Variants in PPP1R9A observed in about 807,000 individuals in gnomAD.
The protein encoded by PPP1R9A is neurabin-1.
In PPP1R9A, 59 loss-of-function variants were observed where a neutral mutation model predicts 141.9. The observed-to-expected ratio is 0.42, with a 90% CI of 0.34 to 0.52. PPP1R9A has a LOEUF of 0.52. Among genes scored for constraint, PPP1R9A ranks in the 20% least tolerant of loss-of-function variants. PPP1R9A has a pLI of 0.10. For synonymous variants in PPP1R9A, 500 were observed against 569.7 expected (o/e 0.88, Z 1.74); for missense variants, 1,444 against 1,611.9 (o/e 0.90, Z 1.78).
At chr7:95,259,086 A>T (rs1356254187) in intron 12 of PPP1R9A, among the ~76,000 whole-genome samples, 1 of 152,210 alleles carries the variant, frequency 6.6e-6, no homozygotes, top group African/African-American at 2.4e-5. Context: ...TAACTAAAAA[A>T]CAATTTGCAG....
intron 4 of PPP1R9A, among the ~76,000 whole-genome samples, chr7:95,130,601 T>A (rs1263708064): frequency 6.6e-6 from 1 of 152,036 alleles, no homozygotes; most frequent in East Asian, 1.9e-4. Context: ...CACTGACAGC[T>A]TGCACTCTAT....
intron 2 of PPP1R9A, among the ~76,000 whole-genome samples, chr7:94,952,126 C>T (rs1796545669): frequency 6.6e-6 from 1 of 152,034 alleles, no homozygotes; most frequent in African/African-American, 2.4e-5. Flanking sequence ...CCTCCAGGCC[C>T]CAGTGTGTGA....
chr7:95,289,334 C>G (rs1006056324), intron 19 of PPP1R9A, among the ~76,000 whole-genome samples: 1 of 152,224 alleles, frequency 6.6e-6, no homozygotes, highest in Non-Finnish European at 1.5e-5. Flanking sequence ...CCTCAGCCCC[C>G]TGCTGGGCTG....
intron 4 of PPP1R9A, among the ~76,000 whole-genome samples, chr7:95,152,059 C>A (rs533087884): frequency 7.1e-6 from 1 of 141,110 alleles, no homozygotes; most frequent in African/African-American, 2.6e-5. Flanking sequence ...TCAAGCAATT[C>A]TCCTGCCTCA....
At chr7:95,259,903 A>T (rs958564272) in intron 12 of PPP1R9A, among the ~76,000 whole-genome samples, 3 of 151,994 alleles carry the variant, frequency 2.0e-5, no homozygotes, top group Non-Finnish European at 4.4e-5. Context: ...CCTTTTTAAA[A>T]ATATATATAT....
chr7:95,226,913 T>C (rs1795217927), intron 8 of PPP1R9A, among the ~76,000 whole-genome samples: 1 of 152,190 alleles, frequency 6.6e-6, no homozygotes, highest in East Asian at 1.9e-4. Context: ...CAGTGATTAA[T>C]AGGTCCCAAA....
At chr7:95,051,875 TCTCA>T (rs1338968451) in intron 2 of PPP1R9A, among the ~76,000 whole-genome samples, 5 of 150,544 alleles carry the variant, frequency 3.3e-5, no homozygotes, top group African/African-American at 1.2e-4. Flanking sequence ...AGAGTCTCTC[TCTCA>T]CTCAGGCTGC....
At chr7:95,062,418 A>AT (rs576031319) in intron 2 of PPP1R9A, among the ~76,000 whole-genome samples, 9,353 of 138,596 alleles carry the variant, frequency 0.067, 374 homozygotes, top group African/African-American at 0.1. Context: ...AGATTAGGGA[A>AT]TTTTTTTTTT....
intron 2 of PPP1R9A, among the ~76,000 whole-genome samples, chr7:94,973,585 T>C (rs1011837060): frequency 2.6e-5 from 4 of 152,178 alleles, no homozygotes; most frequent in African/African-American, 9.6e-5. Flanking sequence ...AGATAATTCA[T>C]AGGGGACAAG....
intron 2 of PPP1R9A, among the ~76,000 whole-genome samples, chr7:95,060,604 A>C (rs1384898158): frequency 3.9e-5 from 6 of 152,114 alleles, no homozygotes; most frequent in Admixed American, 3.9e-4. Context: ...CACAGTTGAA[A>C]ATGTAAGGTC....
chr7:95,292,551 T>G lies in PPP1R9A; in HGVS notation c.*2248T>G, dbSNP rs905444768. ...ATTTATGATCTATTATATTGCATTT[T>G]CTTAAATATCTTAGAAGTATTTTTC... On this transcript the variant is annotated 3_prime_UTR_variant, in exon 20 of 20. Transcript: ENST00000433360. 6.6e-6 allele frequency: 1 copy of G among 152,498 alleles called. No individual in the cohort carries two copies. Among genetic ancestry groups the G allele is most frequent in the African/African-American group, 2.4e-5 (1 of 41,476 alleles). The allele number at this position is 152,498 out of a possible 1,614,324, so 9.4% of individuals were successfully genotyped here.
intron 2 of PPP1R9A, among the ~76,000 whole-genome samples, chr7:94,925,791 C>A (rs958658147): frequency 1.3e-5 from 2 of 151,956 alleles, no homozygotes; most frequent in African/African-American, 2.4e-5. Flanking sequence ...CCCCTCCCCC[C>A]ACCTGAAGGT....
chr7:95,187,091 A>G (rs968584600), intron 5 of PPP1R9A, among the ~76,000 whole-genome samples: 3 of 152,084 alleles, frequency 2.0e-5, no homozygotes, highest in African/African-American at 7.2e-5. Context: ...GTTGGTACCA[A>G]TTATTCTTTA....
chr7:95,124,834 C>G (rs770370651), intron 4 of PPP1R9A, among the ~76,000 whole-genome samples: 1 of 151,996 alleles, frequency 6.6e-6, no homozygotes, highest in Non-Finnish European at 1.5e-5. Flanking sequence ...TCCCCCTCCT[C>G]CCTCCTTCCT....
chr7:94,953,667 TC>T (rs1182099485), intron 2 of PPP1R9A, among the ~76,000 whole-genome samples: 1 of 152,174 alleles, frequency 6.6e-6, no homozygotes, highest in African/African-American at 2.4e-5. Flanking sequence ...CTTGAAAAGA[TC>T]CTTCACATTT....
chr7:95,226,758 G>A (rs1187370474), intron 8 of PPP1R9A, among the ~76,000 whole-genome samples: 1 of 151,928 alleles, frequency 6.6e-6, no homozygotes, highest in African/African-American at 2.4e-5. Flanking sequence ...AGGGAGTATG[G>A]TGATGCAGTC....
intron 2 of PPP1R9A, among the ~76,000 whole-genome samples, chr7:95,009,548 T>C (rs1804116707): frequency 6.6e-6 from 1 of 152,150 alleles, no homozygotes; most frequent in African/African-American, 2.4e-5. Flanking sequence ...TGTAATGAAA[T>C]GTAGAGGTCA....
At chr7:95,074,417 A>C (rs1026867171) in intron 2 of PPP1R9A, among the ~76,000 whole-genome samples, 6 of 150,964 alleles carry the variant, frequency 4.0e-5, no homozygotes, top group African/African-American at 1.5e-4. Context: ...TATAGGATGA[A>C]GTCCTAGAAG....
intron 2 of PPP1R9A, among the ~76,000 whole-genome samples, chr7:95,012,821 GA>G (rs1446497752): frequency 6.6e-6 from 1 of 152,192 alleles, no homozygotes; most frequent in Non-Finnish European, 1.5e-5. Context: ...GTAATGATGT[GA>G]AAAGTTGGAA....
Sources: allele counts gnomAD v4.1 joint callset (sites outside exome capture counted in the v4.1 genomes callset), GRCh38; gene constraint gnomAD v4.1.1; transcripts MANE v1.5; gene names NCBI Gene and HGNC (gene_info 2026-07-23, HGNC 2026-07-21).